The following PPFIA2 variants were observed in gnomAD, a reference collection of about 807,000 sequenced individuals.
PPFIA2 encodes PPFI scaffold protein A2, also known as liprin-alpha-2.
PPFIA2 carries 46 observed loss-of-function variants against 175.5 expected under a neutral mutation model. The ratio of observed to expected loss-of-function variants is 0.26; its 90% CI spans 0.21 to 0.34. PPFIA2 has a LOEUF of 0.34. PPFIA2 is among the 10% of genes least tolerant of loss of function. The pLI, the probability that PPFIA2 is intolerant of heterozygous loss-of-function variation, is 1.00. For synonymous variants in PPFIA2, 568 were observed against 511.4 expected, an observed-to-expected ratio of 1.11 and a Z score of -1.49; for missense variants, 1,179 against 1,506.1, an observed-to-expected ratio of 0.78 and a Z score of 3.60.
intron 4 of PPFIA2, among the ~76,000 whole-genome samples, chr12:81,510,777 A>G (rs949609488): frequency 3.3e-5 from 5 of 152,132 alleles, no homozygotes; most frequent in Non-Finnish European, 7.4e-5. Flanking sequence ...GTCATCATAA[A>G]AGAAAAAAAT....
chr12:81,389,811 C>T (rs763744041), intron 8 of PPFIA2, among the ~76,000 whole-genome samples: 10 of 151,952 alleles, frequency 6.6e-5, no homozygotes, highest in Non-Finnish European at 1.0e-4. Context: ...ATAATTTACA[C>T]GCCATAAAAC....
intron 22 of PPFIA2, among the ~76,000 whole-genome samples, chr12:81,303,842 T>A (rs9783483): frequency 0.37 from 56,120 of 152,066 alleles, 11,917 homozygotes; most frequent in Non-Finnish European, 0.49. Context: ...TTAGAAGCAT[T>A]GGCCAAGCTA....
chr12:81,650,541 G>C (rs28380701), intron 4 of PPFIA2, among the ~76,000 whole-genome samples: 17,276 of 152,180 alleles, frequency 0.11, 1,195 homozygotes, highest in Middle Eastern at 0.17. Context: ...GGAAATAAGA[G>C]AAAGAGAATG....
chr12:81,382,580 A>C (rs890937482), intron 9 of PPFIA2, among the ~76,000 whole-genome samples: 15 of 152,262 alleles, frequency 9.9e-5, no homozygotes, highest in African/African-American at 3.6e-4. Context: ...AATACTTTGA[A>C]ATTGTAAATA....
intron 4 of PPFIA2, among the ~76,000 whole-genome samples, chr12:81,606,438 T>C (rs117863352): frequency 0.093 from 14,179 of 152,118 alleles, 839 homozygotes; most frequent in South Asian, 0.16. Flanking sequence ...TTCCCACCAA[T>C]AGTGTATAAG....
intron 3 of PPFIA2, among the ~76,000 whole-genome samples, chr12:81,697,059 C>T (rs149509353): frequency 6.6e-6 from 1 of 152,054 alleles, no homozygotes; most frequent in Non-Finnish European, 1.5e-5. Context: ...CATAGACAGA[C>T]AATGCCTAAT....
chr12:81,676,961 T>C, intron 3 of PPFIA2, 117 bp from the exon 4 acceptor site: 1 of 654,772 alleles, frequency 1.5e-6, no homozygotes, highest in Non-Finnish European at 2.4e-6. Context: ...GCTATTTTAT[T>C]ATTTTTTTGC....
intron 4 of PPFIA2, among the ~76,000 whole-genome samples, chr12:81,521,644 T>TA (rs11400978): frequency 0.51 from 55,075 of 108,998 alleles, 11,242 homozygotes; most frequent in African/African-American, 0.61. Flanking sequence ...GGATCTCTAA[T>TA]AAAATACAAA....
At chr12:81,261,358 G>C (rs1177418818) in intron 32 of PPFIA2, among the ~76,000 whole-genome samples, 2 of 152,062 alleles carry the variant, frequency 1.3e-5, no homozygotes. Context: ...ATGGGATTAT[G>C]GGAGTGCAAC....
intron 4 of PPFIA2, among the ~76,000 whole-genome samples, chr12:81,536,399 T>C (rs1023618907): frequency 5.9e-5 from 9 of 151,602 alleles, no homozygotes; most frequent in Non-Finnish European, 1.2e-4. Flanking sequence ...CTTTCAATTA[T>C]ATTTTCCAAG....
At chr12:81,454,708 T>G (rs1456718851) in intron 5 of PPFIA2, among the ~76,000 whole-genome samples, 2 of 152,178 alleles carry the variant, frequency 1.3e-5, no homozygotes, top group Non-Finnish European at 2.9e-5. Flanking sequence ...CATGGTTTCA[T>G]GGACTGGCTT....
intron 4 of PPFIA2, among the ~76,000 whole-genome samples, chr12:81,645,523 G>A (rs747202243): frequency 2.0e-5 from 3 of 152,284 alleles, no homozygotes; most frequent in South Asian, 2.1e-4. Context: ...AAGTGTGAAG[G>A]GAATATTGAT....
chr12:81,276,449 C>G (rs2040556520), intron 28 of PPFIA2, among the ~76,000 whole-genome samples: 1 of 152,020 alleles, frequency 6.6e-6, no homozygotes, highest in South Asian at 2.1e-4. Context: ...TATCTTTTTC[C>G]AATCATGTAT....
At chr12:81,702,168 T>A (rs141137649) in intron 3 of PPFIA2, among the ~76,000 whole-genome samples, 142 of 151,372 alleles carry the variant, frequency 9.4e-4, no homozygotes, top group Non-Finnish European at 1.7e-3. Context: ...ACCCCCACCA[T>A]CAATGACACT....
rs914188881 is a variant in PPFIA2 at position 81,259,102 on chromosome 12, T to C, written c.*592A>G. On this transcript the variant is annotated 3_prime_UTR_variant, in exon 33 of 33. Coordinates refer to ENST00000549396, the MANE Select transcript of PPFIA2 (RefSeq NM_003625.5). ...TTTTTACATGATCAGAGGCAGGTTG[T>C]TCAGCTTTAAGTATTGACAGACTTG... 6 of 175,654 alleles carry C rather than the reference T, an allele frequency of 3.4e-5. No individual in the cohort carries two copies. The Admixed American group carries it at 3.7e-4, about 11-fold the overall frequency. The allele number at this position is 175,654 out of a possible 1,614,324, so 10.9% of individuals were successfully genotyped here.
intron 7 of PPFIA2, among the ~76,000 whole-genome samples, chr12:81,409,908 T>C (rs1029547173): frequency 3.3e-5 from 5 of 152,154 alleles, no homozygotes; most frequent in African/African-American, 1.2e-4. Context: ...ACAACTGCTA[T>C]GGTTTGAATA....
At chr12:81,467,740 A>G (rs2055957729) in intron 4 of PPFIA2, among the ~76,000 whole-genome samples, 1 of 152,186 alleles carries the variant, frequency 6.6e-6, no homozygotes, top group Admixed American at 6.6e-5. Context: ...ATAGTATAAA[A>G]CATATTTGAG....
chr12:81,709,982 T>G (rs1273280122), intron 3 of PPFIA2, among the ~76,000 whole-genome samples: 2 of 152,034 alleles, frequency 1.3e-5, no homozygotes, highest in African/African-American at 2.4e-5. Context: ...CATATTGAAA[T>G]TATGAATACT....
At chr12:81,653,598 A>G (rs140034297) in intron 4 of PPFIA2, among the ~76,000 whole-genome samples, 280 of 152,132 alleles carry the variant, frequency 1.8e-3, no homozygotes, top group Non-Finnish European at 3.6e-3. Flanking sequence ...CAGTCATTAG[A>G]TTTAGGGCCC....
Sources: gnomAD v4.1 joint callset for allele counts (sites outside exome capture counted in the v4.1 genomes callset) on GRCh38, gnomAD v4.1.1 for gene constraint, MANE v1.5 for transcripts, NCBI Gene and HGNC (gene_info 2026-07-23, HGNC 2026-07-21) for gene names.